The following C10orf67 variants were observed in gnomAD, a reference collection of about 807,000 sequenced individuals.
C10orf67 encodes uncharacterized protein C10orf67, mitochondrial.
A neutral mutation model predicts 35.6 loss-of-function variants in C10orf67; 60 were observed. That is an observed-to-expected ratio of 1.68 (90% CI 1.37 to 2.09). C10orf67 has a LOEUF of 2.09. Among genes scored for constraint, C10orf67 ranks in the 30% most tolerant of loss-of-function variants. C10orf67 has a pLI of 0.00. For missense variants in C10orf67, 474 were observed against 330.2 expected, an observed-to-expected ratio of 1.44 and a Z score of -3.38; for synonymous variants, 167 against 115.8, an observed-to-expected ratio of 1.44 and a Z score of -2.84.
chr10:23,304,370 T>TG (rs1844196902), intron 4 of C10orf67, among the ~76,000 whole-genome samples: 1 of 152,186 alleles, frequency 6.6e-6, no homozygotes, highest in Non-Finnish European at 1.5e-5. Flanking sequence ...CTGCAGATCT[T>TG]GGGGTGGGCC....
chr10:23,273,070 A>T (rs1843074907), intron 8 of C10orf67, among the ~76,000 whole-genome samples: 1 of 152,174 alleles, frequency 6.6e-6, no homozygotes, highest in Non-Finnish European at 1.5e-5. Flanking sequence ...TAATTCTAGT[A>T]GCTATTTTTG....
chr10:23,209,820 C>T (rs1195969679), intron 15 of C10orf67, among the ~76,000 whole-genome samples: 1 of 151,666 alleles, frequency 6.6e-6, no homozygotes, highest in African/African-American at 2.4e-5. Flanking sequence ...GGCAACATGG[C>T]AAAATCTTGT....
intron 13 of C10orf67, among the ~76,000 whole-genome samples, chr10:23,234,886 C>T (rs1183967691): frequency 6.6e-6 from 1 of 151,660 alleles, no homozygotes; most frequent in African/African-American, 2.4e-5. Flanking sequence ...GTGGTACATG[C>T]CCATAATCCC....
At position 23,207,427 on chromosome 10, in the gene C10orf67, A is replaced by G. The variant is rs116996629; in HGVS notation, c.1571-3172T>C. Among the ~76,000 whole-genome samples the G allele has an allele frequency of 7.1e-4, 108 of 151,956 alleles. 1 individual carries two copies. In the East Asian group the frequency reaches 0.02, roughly 28 times the overall value. On this transcript the variant is annotated intron_variant, in intron 15 of 15. Coordinates refer to ENST00000636213, the MANE Select transcript of C10orf67 (RefSeq NM_001371909.1). ...TTTGCCTTTTTCATTTAGGTTGCTC[A>G]GGTAGTAATGAAAAATATGAAAGGC...
intron 3 of C10orf67, among the ~76,000 whole-genome samples, chr10:23,321,076 A>T (rs2132338791): frequency 6.6e-6 from 1 of 152,322 alleles, no homozygotes; most frequent in South Asian, 2.1e-4. Context: ...TTTTCACTTG[A>T]GTAAAGTCTT....
At chr10:23,250,066 G>A (rs1211490139) in intron 12 of C10orf67, among the ~76,000 whole-genome samples, 1 of 152,178 alleles carries the variant, frequency 6.6e-6, no homozygotes, top group Admixed American at 6.5e-5. Flanking sequence ...TGTTGTGTCT[G>A]GTAGAGGATC....
rs11013325 is a variant in C10orf67 at position 23,216,959 on chromosome 10, A to T, written c.1570+6639T>A. ...TGGCAAAATCTAATAGAGCCAGGTG[A>T]TGTTCAACATATAATTCTCTATATT... is the stretch of plus-strand genomic sequence containing the variant. On this transcript the variant is annotated intron_variant, in intron 15 of 15. Coordinates refer to ENST00000636213, the MANE Select transcript of C10orf67 (RefSeq NM_001371909.1). 6.7e-3 allele frequency among the ~76,000 whole-genome samples: 1,028 copies of T among 152,326 alleles called. 13 individuals are homozygous for T. The highest frequency in any genetic ancestry group is 0.024 in the African/African-American group (978 of 41,574).
At position 23,289,902 on chromosome 10, in the gene C10orf67, T is replaced by A. The variant is rs1843665382; in HGVS notation, c.907A>T (p.Lys303Ter). 2 of 716,768 alleles carry A rather than the reference T, an allele frequency of 2.8e-6. No homozygotes were observed. The highest frequency in any genetic ancestry group is 3.5e-5 in the African/African-American group (2 of 57,284). The allele number at this position is 716,768 out of a possible 1,614,324, so 44.4% of individuals were successfully genotyped here. A position where few individuals can be genotyped will look rare whatever the true frequency, so the allele number is the denominator to read the frequency against. Residue 303 changes from lysine (K) to a stop codon, truncating the protein, a stop_gained and splice_region_variant, in exon 7 of 16, where the codon AAG (lysine) becomes TAG (stop). Transcript: ENST00000636213. LOFTEE classifies it high-confidence loss of function. ...MAEKDHKTIQ[K>*]LMDSRDRLRE... Reference sequence around the variant, plus strand: ...ATCAACGTAAAACGTTATAGTACCTTTTGAATAGTTTTGTGATCCTTTTCT... The same window carrying A: ...ATCAACGTAAAACGTTATAGTACCTATTGAATAGTTTTGTGATCCTTTTCT...
Position 23,269,382 on chromosome 10 carries a change from C to T in C10orf67, c.976-2128G>A, listed in dbSNP as rs529101268. Among the ~76,000 whole-genome samples the T allele has an allele frequency of 1.1e-4, 17 of 152,092 alleles. No homozygotes were observed. In the South Asian group the frequency reaches 2.3e-3, roughly 20 times the overall value. On this transcript the variant is annotated intron_variant, in intron 8 of 15. Transcript: ENST00000636213. ...AGAATGTAAATTACAATCACTAGAG[C>T]GCCTGCTATAAGATAGAGCCAAATG...
At chr10:23,215,494 A>T (rs1379054671) in intron 15 of C10orf67, among the ~76,000 whole-genome samples, 2 of 151,972 alleles carry the variant, frequency 1.3e-5, no homozygotes, top group African/African-American at 4.8e-5. Context: ...GGGTTTCACC[A>T]TGTTGGTCAG....
intron 5 of C10orf67, among the ~76,000 whole-genome samples, chr10:23,295,811 C>T (rs1843863405): frequency 1.3e-5 from 2 of 152,264 alleles, no homozygotes; most frequent in African/African-American, 4.8e-5. Flanking sequence ...GAATGTGCTT[C>T]CTAGTCCAAG....
chr10:23,323,888 C>T (rs1026839366), intron 2 of C10orf67, among the ~76,000 whole-genome samples: 3 of 77,314 alleles, frequency 3.9e-5, no homozygotes, highest in Non-Finnish European at 8.1e-5. Context: ...AGCAAGACTC[C>T]GTCTAAATAT....
At position 23,329,950 on chromosome 10, in the gene C10orf67, C is replaced by G. The variant is rs182927101; in HGVS notation, c.327+3112G>C. 5.9e-5 allele frequency among the ~76,000 whole-genome samples: 9 copies of G among 152,096 alleles called. No individual in the cohort carries two copies. In the East Asian group the frequency reaches 1.7e-3, roughly 29 times the overall value. ...TCCAGTTAGGTTTATTTCAGGAAGT[C>G]AAGGATGGTTTACTATTCAAAAACC... On this transcript the variant is annotated intron_variant, in intron 2 of 15. Transcript: ENST00000636213.
intron 15 of C10orf67, among the ~76,000 whole-genome samples, chr10:23,215,173 A>G (rs1424109761): frequency 6.6e-6 from 1 of 152,236 alleles, no homozygotes; most frequent in African/African-American, 2.4e-5. Context: ...AATTGACTCA[A>G]TAAAAAAATA....
intron 12 of C10orf67, among the ~76,000 whole-genome samples, chr10:23,248,405 G>A (rs924366452): frequency 2.0e-5 from 3 of 152,160 alleles, no homozygotes; most frequent in African/African-American, 7.2e-5. Context: ...GCTCTTGTCC[G>A]CACTGCTCAC....
At chr10:23,329,126 G>A (rs1204276258) in intron 2 of C10orf67, among the ~76,000 whole-genome samples, 1 of 151,168 alleles carries the variant, frequency 6.6e-6, no homozygotes, top group East Asian at 1.9e-4. Flanking sequence ...CAATATAGAG[G>A]ATTAATACAT....
chr10:23,249,172 C>G (rs1043728835), intron 12 of C10orf67, among the ~76,000 whole-genome samples: 1 of 134,304 alleles, frequency 7.4e-6, no homozygotes, highest in Non-Finnish European at 1.6e-5. Flanking sequence ...AAAACTGATA[C>G]GTTCTTGTAA....
At position 23,322,455 on chromosome 10, in the gene C10orf67, G is replaced by T. The variant is rs372798012; in HGVS notation, c.410C>A (p.Ser137Tyr). 44 of 1,611,150 alleles carry T rather than the reference G, an allele frequency of 2.7e-5. No individual in the cohort carries two copies. The highest frequency in any genetic ancestry group is 3.7e-5 in the Non-Finnish European group (43 of 1,177,312). ...LKFEDRLKEE[S>Y]LSLFTILHDR... The stretch of plus-strand genomic sequence containing the variant: ...ATGCAGAATGGTGAAGAGACTCAAA[G>T]ATTCCTCTTTCAGTCGGTCCTCAAA... Residue 137 changes from serine (S) to tyrosine (Y), a missense_variant, in exon 3 of 16, where the codon TCT becomes TAT. Coordinates refer to ENST00000636213, the MANE Select transcript of C10orf67 (RefSeq NM_001371909.1).
At chr10:23,270,552 G>GGACT in intron 8 of C10orf67, among the ~76,000 whole-genome samples, 1 of 152,310 alleles carries the variant, frequency 6.6e-6, no homozygotes, top group South Asian at 2.1e-4. Flanking sequence ...CCGGGGAAGG[G>GGACT]GACTGAATCC....
Sources: allele counts gnomAD v4.1 joint callset (sites outside exome capture counted in the v4.1 genomes callset), GRCh38; gene constraint gnomAD v4.1.1; transcripts MANE v1.5; gene names NCBI Gene and HGNC (gene_info 2026-07-23, HGNC 2026-07-21).